Variants in LINGO2 observed in about 807,000 individuals in gnomAD.
LINGO2 encodes the protein leucine-rich repeat and immunoglobulin-like domain-containing nogo receptor-interacting protein 2.
A neutral mutation model predicts 30.6 loss-of-function variants in LINGO2; 14 were observed. That is an observed-to-expected ratio of 0.46 (90% CI 0.30 to 0.72). The LOEUF (loss-of-function observed/expected upper bound fraction) is 0.72. Among genes scored for constraint, LINGO2 ranks in the 30% least tolerant of loss-of-function variants. LINGO2 has a pLI of 0.07. For missense variants in LINGO2, 729 were observed against 751.7 expected (o/e 0.97, Z 0.35); for synonymous variants, 317 against 288.5 (o/e 1.10, Z -1.00).
At chr9:28,288,599 C>T (rs1021728923) in intron 4 of LINGO2, among the ~76,000 whole-genome samples, 7 of 152,062 alleles carry the variant, frequency 4.6e-5, no homozygotes, top group East Asian at 1.9e-4. Context: ...GAGGACAGGG[C>T]GGGGAGGCTG....
the LINGO2 span, among the ~76,000 whole-genome samples, chr9:28,796,249 T>C: frequency 6.6e-6 from 1 of 152,116 alleles, no homozygotes; most frequent in East Asian, 1.9e-4. Flanking sequence ...AGCTATAATA[T>C]CCCATGCATT....
chr9:28,039,038 T>C (rs1448519774), intron 4 of LINGO2, among the ~76,000 whole-genome samples: 1 of 152,102 alleles, frequency 6.6e-6, no homozygotes, highest in Non-Finnish European at 1.5e-5. Flanking sequence ...AGATCTTCCT[T>C]TGTCGGGGAG....
At chr9:28,877,012 C>T in the LINGO2 span, among the ~76,000 whole-genome samples, 39 of 151,972 alleles carry the variant, frequency 2.6e-4, no homozygotes, top group African/African-American at 8.9e-4. Flanking sequence ...TGATGGTAAC[C>T]ATTTTTTCAT....
At chr9:28,982,118 T>C in the LINGO2 span, among the ~76,000 whole-genome samples, 1 of 152,102 alleles carries the variant, frequency 6.6e-6, no homozygotes, top group Non-Finnish European at 1.5e-5. Context: ...GCATATATAC[T>C]TTAAAAATTC....
At chr9:28,287,188 C>A (rs1340301052) in intron 4 of LINGO2, among the ~76,000 whole-genome samples, 1 of 152,206 alleles carries the variant, frequency 6.6e-6, no homozygotes, top group Non-Finnish European at 1.5e-5. Flanking sequence ...AAGAGAACTT[C>A]TCTGAAAATA....
At chr9:28,425,748 T>G (rs1217097401) in intron 2 of LINGO2, among the ~76,000 whole-genome samples, 1 of 152,080 alleles carries the variant, frequency 6.6e-6, no homozygotes, top group Non-Finnish European at 1.5e-5. Flanking sequence ...ATGTAGTGTC[T>G]TCATACTCAT....
the LINGO2 span, among the ~76,000 whole-genome samples, chr9:28,915,287 ACTT>A: frequency 1.3e-5 from 2 of 152,278 alleles, no homozygotes; most frequent in Admixed American, 6.5e-5. Context: ...GTTCACAGTC[ACTT>A]CTTCAAGAAA....
At chr9:28,696,892 G>C in the LINGO2 span, among the ~76,000 whole-genome samples, 1 of 151,830 alleles carries the variant, frequency 6.6e-6, no homozygotes, top group Non-Finnish European at 1.5e-5. Flanking sequence ...TACGTTTTGT[G>C]CTATACAAGT....
chr9:28,548,722 A>T (rs1033442630), intron 1 of LINGO2, among the ~76,000 whole-genome samples: 13 of 149,768 alleles, frequency 8.7e-5, no homozygotes, highest in African/African-American at 2.9e-4. Flanking sequence ...AAAAAAAAAA[A>T]AAAAAAAATA....
At chr9:28,353,554 G>C (rs1820010330) in intron 3 of LINGO2, among the ~76,000 whole-genome samples, 1 of 150,876 alleles carries the variant, frequency 6.6e-6, no homozygotes, top group Non-Finnish European at 1.5e-5. Flanking sequence ...CACTGTTGGT[G>C]GGACTGTAAA....
At chr9:28,872,787 G>A in the LINGO2 span, among the ~76,000 whole-genome samples, 4 of 152,066 alleles carry the variant, frequency 2.6e-5, no homozygotes, top group Admixed American at 2.0e-4. Flanking sequence ...TACTAGAGAG[G>A]TGCACTTTGT....
At chr9:28,913,364 C>A in the LINGO2 span, among the ~76,000 whole-genome samples, 1 of 152,008 alleles carries the variant, frequency 6.6e-6, no homozygotes, top group Non-Finnish European at 1.5e-5. Context: ...GAAACTAAGG[C>A]AAAAGCAAGG....
chr9:28,401,685 G>A (rs1824207497), intron 2 of LINGO2, among the ~76,000 whole-genome samples: 1 of 152,106 alleles, frequency 6.6e-6, no homozygotes, highest in East Asian at 1.9e-4. Context: ...GGTATTTCTG[G>A]TTCTAGGTCC....
At chr9:29,170,009 AAACAAC>A in the LINGO2 span, among the ~76,000 whole-genome samples, 10 of 152,112 alleles carry the variant, frequency 6.6e-5, no homozygotes, top group East Asian at 3.9e-4. Flanking sequence ...AACAAACAAA[AAACAAC>A]AACAACAACA....
chr9:28,081,634 A>C (rs1292200904), intron 4 of LINGO2, among the ~76,000 whole-genome samples: 2 of 152,222 alleles, frequency 1.3e-5, no homozygotes, highest in Non-Finnish European at 2.9e-5. Context: ...TCTGTTTTAA[A>C]ATCTCAGCTC....
the LINGO2 span, among the ~76,000 whole-genome samples, chr9:28,912,371 A>C: frequency 6.6e-6 from 1 of 151,654 alleles, no homozygotes; most frequent in African/African-American, 2.4e-5. Context: ...CCTTGCCTCC[A>C]CTCATCTAGT....
intron 4 of LINGO2, among the ~76,000 whole-genome samples, chr9:28,259,376 G>A (rs905432090): frequency 2.6e-5 from 4 of 151,930 alleles, no homozygotes; most frequent in African/African-American, 9.7e-5. Context: ...AGGAGGTACT[G>A]GAAGAAGGGC....
intron 2 of LINGO2, among the ~76,000 whole-genome samples, chr9:28,383,406 G>A (rs910439148): frequency 6.6e-6 from 1 of 151,858 alleles, no homozygotes; most frequent in Non-Finnish European, 1.5e-5. Context: ...TATGAAAAAG[G>A]CTTGAGAAAG....
the LINGO2 span, among the ~76,000 whole-genome samples, chr9:28,900,287 C>G: frequency 6.6e-6 from 1 of 152,166 alleles, no homozygotes; most frequent in Non-Finnish European, 1.5e-5. Flanking sequence ...TCGTATCAGG[C>G]CAGACCCTAA....
Sources: allele counts gnomAD v4.1 joint callset (sites outside exome capture counted in the v4.1 genomes callset), GRCh38; gene constraint gnomAD v4.1.1; transcripts MANE v1.5; gene names NCBI Gene and HGNC (gene_info 2026-07-23, HGNC 2026-07-21).